Variants in UBXN8 observed in about 807,000 individuals in gnomAD.
UBXN8 encodes the protein UBX domain protein 8.
A neutral mutation model predicts 32.1 loss-of-function variants in UBXN8; 27 were observed. The ratio of observed to expected loss-of-function variants is 0.84; its 90% CI spans 0.62 to 1.16. The LOEUF (loss-of-function observed/expected upper bound fraction) is 1.16, where lower values mean the gene tolerates loss of function less well. Among genes scored for constraint, UBXN8 ranks in the 50% most tolerant of loss-of-function variants. The probability of loss-of-function intolerance (pLI) is 0.00; values close to 1 mark genes in which losing one functional copy is unlikely to be tolerated. For synonymous variants in UBXN8, 109 were observed against 111.8 expected, an observed-to-expected ratio of 0.98 and a Z score of 0.16; for missense variants, 306 against 311.4, an observed-to-expected ratio of 0.98 and a Z score of 0.13.
chr8:30,745,098 G>A (rs1215774987), intron 1 of UBXN8, among the ~76,000 whole-genome samples: 1 of 152,196 alleles, frequency 6.6e-6, no homozygotes, highest in Non-Finnish European at 1.5e-5. Flanking sequence ...ATTCTGTATG[G>A]AGAATGCTTT....
chr8:30,743,472 G>A (rs1370489102), upstream of UBXN8, among the ~76,000 whole-genome samples: 1 of 152,154 alleles, frequency 6.6e-6, no homozygotes, highest in African/African-American at 2.4e-5. Context: ...TAATTTCCAA[G>A]TACGAAATGT....
chr8:30,762,492 A>G (rs1353438124), intron 6 of UBXN8, among the ~76,000 whole-genome samples: 1 of 152,180 alleles, frequency 6.6e-6, no homozygotes, highest in Non-Finnish European at 1.5e-5. Flanking sequence ...TTCCGGGTTC[A>G]AGCCATTCTC....
chr8:30,751,488 T>G lies in UBXN8; in HGVS notation c.181T>G (p.Ser61Ala). ...TISVTTSWLN[S>A]FKSPQVYLKE... ...TTCTGTGACTACCTCATGGCTTAAC[T>G]CATTTAAATCTCCCCAAGTTTATCT... is the stretch of plus-strand genomic sequence containing the variant. Residue 61 changes from serine (S) to alanine (A), a missense_variant, in exon 2 of 8, where the codon TCA (serine) becomes GCA (alanine). Transcript: ENST00000265616. The G allele has an allele frequency of 6.2e-7, 1 of 1,608,810 alleles. No homozygotes were observed. The highest frequency in any genetic ancestry group is 8.5e-7 in the Non-Finnish European group (1 of 1,177,566).
upstream of UBXN8, among the ~76,000 whole-genome samples, chr8:30,739,484 C>T (rs1023280523): frequency 6.6e-6 from 1 of 152,144 alleles, no homozygotes; most frequent in Admixed American, 6.6e-5. Flanking sequence ...GTGGAGTTTG[C>T]AGTAAGCCGA....
At chr8:30,763,126 G>A (rs934843811) in intron 6 of UBXN8, 147 bp from the exon 7 acceptor site, 30 of 756,190 alleles carry the variant, frequency 4.0e-5, no homozygotes, top group Non-Finnish European at 5.4e-5. Flanking sequence ...GATTACAGGC[G>A]TGAGCCACCA....
At chr8:30,761,305 C>T (rs541067376) in intron 6 of UBXN8, among the ~76,000 whole-genome samples, 1 of 151,988 alleles carries the variant, frequency 6.6e-6, no homozygotes, top group East Asian at 1.9e-4. Context: ...AGTGCAATGG[C>T]ATGATCTCAG....
chr8:30,755,881 A>G (rs1347639158), intron 4 of UBXN8, among the ~76,000 whole-genome samples: 1 of 151,774 alleles, frequency 6.6e-6, no homozygotes, highest in Non-Finnish European at 1.5e-5. Context: ...TCAAGTCAAG[A>G]TCTCCAAGGT....
chr8:30,754,685 T>A lies in UBXN8; in HGVS notation c.303T>A (p.Asn101Lys). The A allele has an allele frequency of 6.4e-7, 1 of 1,558,020 alleles. No individual in the cohort carries two copies. The highest frequency in any genetic ancestry group is 8.6e-7 in the Non-Finnish European group (1 of 1,163,234). The change falls in exon 4 of 8, where the codon AAT becomes AAA. Residue 101 changes from asparagine to lysine, a missense_variant. By Grantham distance (94) the Asn-to-Lys change is moderately conservative. Transcript: ENST00000265616. ...QGEKASRYIENVLKPHQEMKL... is the reference protein window; with the variant it reads ...QGEKASRYIEKVLKPHQEMKL... The stretch of plus-strand genomic sequence containing the variant: ...AACAGGCCAGCAGATACATAGAGAA[T>A]GTTTTAAAACCTCACCAGGAAATGA...
At chr8:30,758,872 GTTTTTTTTGTTTGTTTTTTTTGTTT>G (rs1805734633) in intron 5 of UBXN8, among the ~76,000 whole-genome samples, 1 of 100,456 alleles carries the variant, frequency 1.0e-5, no homozygotes, top group South Asian at 3.8e-4. Flanking sequence ...GGTAACAAAT[GTTTTTTTTGTTTGTTTTTTTTGTTT>G]TTTTTTTTTT....
chr8:30,766,199 T>C (rs1586110132), intron 7 of UBXN8, 28 bp from the exon 8 acceptor site: 3 of 1,596,646 alleles, frequency 1.9e-6, no homozygotes, highest in East Asian at 2.2e-5. Context: ...TATTTGATAA[T>C]GACTAAGCCA....
intron 4 of UBXN8, among the ~76,000 whole-genome samples, 172 bp downstream of exon 4, chr8:30,754,959 T>TG (rs941411329): frequency 6.6e-6 from 1 of 150,658 alleles, no homozygotes; most frequent in African/African-American, 2.4e-5. Context: ...GTTGGTCGTT[T>TG]TTTTTTTTTT....
chr8:30,739,450 A>G (rs1413805328), upstream of UBXN8, among the ~76,000 whole-genome samples: 1 of 152,186 alleles, frequency 6.6e-6, no homozygotes. Flanking sequence ...AGGCTGAGGA[A>G]GGAGAACGGC....
At chr8:30,759,141 C>T (rs1805757722) in intron 5 of UBXN8, among the ~76,000 whole-genome samples, 1 of 152,024 alleles carries the variant, frequency 6.6e-6, no homozygotes, top group Non-Finnish European at 1.5e-5. Context: ...GATCTGCCCT[C>T]CTCGGCCTCC....
At chr8:30,744,451 T>G in intron 1 of UBXN8, 174 bp downstream of exon 1, 1 of 654,180 alleles carries the variant, frequency 1.5e-6, no homozygotes. Flanking sequence ...GAGGAACCTT[T>G]TCCCTCCAGG....
At chr8:30,751,279 C>T in intron 1 of UBXN8, 117 bp from the exon 2 acceptor site, 1 of 829,978 alleles carries the variant, frequency 1.2e-6, no homozygotes, top group Non-Finnish European at 1.8e-6. Flanking sequence ...TTTGGGAGGC[C>T]AAGGCAGGAG....
At chr8:30,742,295 T>A (rs1805223698), upstream of UBXN8, among the ~76,000 whole-genome samples, 1 of 152,222 alleles carries the variant, frequency 6.6e-6, no homozygotes. Context: ...TTAGCCTATA[T>A]ACAAAGGAAA....
chr8:30,751,094 A>C (rs190717659), intron 1 of UBXN8, among the ~76,000 whole-genome samples: 108 of 152,332 alleles, frequency 7.1e-4, no homozygotes, highest in African/African-American at 2.5e-3. Flanking sequence ...CCTGGAACCA[A>C]TACCCCATGA....
At chr8:30,740,764 A>C (rs940699287), upstream of UBXN8, among the ~76,000 whole-genome samples, 12 of 151,866 alleles carry the variant, frequency 7.9e-5, no homozygotes, top group Non-Finnish European at 1.8e-4. Context: ...CTTAACAATC[A>C]CCAATGAGAA....
At chr8:30,741,928 C>A (rs989100995), upstream of UBXN8, among the ~76,000 whole-genome samples, 1 of 152,004 alleles carries the variant, frequency 6.6e-6, no homozygotes, top group Non-Finnish European at 1.5e-5. Flanking sequence ...TTAGGAACTG[C>A]CTTTTGTAGT....
Sources: allele counts gnomAD v4.1 joint callset (sites outside exome capture counted in the v4.1 genomes callset), GRCh38; gene constraint gnomAD v4.1.1; transcripts MANE v1.5; gene names NCBI Gene and HGNC (gene_info 2026-07-23, HGNC 2026-07-21).